LENG8: variants seen among roughly 807,000 people sequenced by gnomAD.
The protein encoded by LENG8 is leukocyte receptor cluster member 8.
In LENG8, 28 loss-of-function variants were observed where a neutral mutation model predicts 102.1. The ratio of observed to expected loss-of-function variants is 0.27; its 90% CI spans 0.20 to 0.38. The LOEUF (loss-of-function observed/expected upper bound fraction) is 0.38, where lower values mean the gene tolerates loss of function less well. LENG8 is among the 10% of genes least tolerant of loss of function. LENG8 has a pLI of 1.00. For missense variants in LENG8, 1,022 were observed against 1,113.9 expected, an observed-to-expected ratio of 0.92 and a Z score of 1.17; for synonymous variants, 531 against 456.7, an observed-to-expected ratio of 1.16 and a Z score of -2.07.
chr19:54,461,081 G>A lies in LENG8; in HGVS notation c.*153G>A. The A allele has an allele frequency of 8.6e-7, 1 of 1,160,600 alleles. No individual in the cohort carries two copies. The highest frequency in any genetic ancestry group is 1.4e-5 in the South Asian group (1 of 73,462). 71.9% of individuals were successfully genotyped at this position (1,160,600 alleles called of 1,614,324 possible). On this transcript the variant is annotated 3_prime_UTR_variant, in exon 16 of 16. Coordinates refer to ENST00000326764, the MANE Select transcript of LENG8 (RefSeq NM_052925.4). The stretch of plus-strand genomic sequence containing the variant: ...ATCCCTGCCCCCGTTTTCCCACCGG[G>A]GAGTCTGTACAGAGATTTTTCTACG...
Position 54,452,130 on chromosome 19 carries a change from G to A in LENG8, c.76G>A (p.Glu26Lys), listed in dbSNP as rs2083991735. The A allele has an allele frequency of 1.9e-6, 3 of 1,614,146 alleles. No individual in the cohort carries two copies. The highest frequency in any genetic ancestry group is 2.5e-6 in the Non-Finnish European group (3 of 1,180,008). ...QYSMVAGAGR[E>K]NGMETPMHEN... ...CAGCATGGTGGCTGGGGCAGGCCGA[G>A]AGAATGGCATGGAGACGCCGATGCA... The change falls in exon 3 of 16, where the codon GAG (glutamate) becomes AAG (lysine). Residue 26 changes from glutamate to lysine, a missense_variant. Glu to Lys is a moderately conservative substitution (Grantham distance 56). Transcript: ENST00000326764.
Position 54,458,749 on chromosome 19 carries a change from C to G in LENG8, c.2240+228C>G, listed in dbSNP as rs184780758. 2,205 of 1,551,300 alleles carry G rather than the reference C, an allele frequency of 1.4e-3. 20 individuals are homozygous for G. In the African/African-American group the frequency reaches 0.026, roughly 18 times the overall value. On this transcript the variant is annotated intron_variant, in intron 15 of 15. Coordinates refer to ENST00000326764, the MANE Select transcript of LENG8 (RefSeq NM_052925.4). ...CACTCCTCTCCCTCTCCCCACTGTT[C>G]CCAGCTCACTGCCTCTGGGGCCTCT...
rs1397440541 is a variant in LENG8 at position 54,456,460 on chromosome 19, G to C, written c.1440G>C (p.Gly480=). Residue 480 remains glycine, a synonymous_variant, in exon 10 of 16, where the codon GGG becomes GGC. Transcript: ENST00000326764. ...MDRGRGRAQR[G]KRHDLAPTKR... ...GGGGCCGAGGCAGGGCGCAGCGTGG[G>C]AAGAGGTGAGACTGTGTGAGGGCTC... is the stretch of plus-strand genomic sequence containing the variant. The C allele has an allele frequency of 6.2e-7, 1 of 1,604,190 alleles. No homozygotes were observed. The highest frequency in any genetic ancestry group is 1.7e-5 in the Admixed American group (1 of 59,446).
At chr19:54,449,476 C>G (rs1020046392) in intron 1 of LENG8, 166 bp downstream of exon 1, 2 of 152,144 alleles carry the variant, frequency 1.3e-5, no homozygotes, top group African/African-American at 4.8e-5. Context: ...CGCACCGGGC[C>G]TGGGGCCGCG....
chr19:54,451,527 C>A, intron 2 of LENG8, 145 bp downstream of exon 2: 1 of 786,960 alleles, frequency 1.3e-6, no homozygotes, highest in Non-Finnish European at 2.2e-6. Context: ...GAGGCAAACA[C>A]AGAGGGAAGC....
Position 54,461,307 on chromosome 19 carries a change from G to GA in LENG8, c.*382dup. The stretch of plus-strand genomic sequence containing the variant: ...CCCATCCCATGCCGGGGGGCCAGTG[G>GA]AAAGAAGACAGGCCGTCCAGCCCGT... On this transcript the variant is annotated 3_prime_UTR_variant, in exon 16 of 16. Coordinates refer to ENST00000326764, the MANE Select transcript of LENG8 (RefSeq NM_052925.4). 1 of 465,502 alleles carries GA rather than the reference G, an allele frequency of 2.1e-6. No homozygotes were observed. The highest frequency in any genetic ancestry group is 4.2e-6 in the Non-Finnish European group (1 of 235,910). The allele number at this position is 465,502 out of a possible 1,614,324, so 28.8% of individuals were successfully genotyped here.
In LENG8 at chr19:54,461,929, C is replaced by T; in HGVS notation, c.*1001C>T. On this transcript the variant is annotated 3_prime_UTR_variant, in exon 16 of 16. Coordinates refer to ENST00000326764, the MANE Select transcript of LENG8 (RefSeq NM_052925.4). ...GCCTCCCCTTCCCCTCCTCTCCCCT[C>T]CTTTTCCTTCCTTCCTTCCTTTCCT... 1.1e-6 allele frequency: 1 copy of T among 949,064 alleles called. No individual in the cohort carries two copies. The highest frequency in any genetic ancestry group is 2.4e-5 in the East Asian group (1 of 41,776). 58.8% of individuals were successfully genotyped at this position (949,064 alleles called of 1,614,324 possible). A position where few individuals can be genotyped will look rare whatever the true frequency, so the allele number is the denominator to read the frequency against.
In LENG8 at chr19:54,454,973, C is replaced by T. The variant is rs546859207; in HGVS notation, c.702C>T (p.Leu234=). The part of the protein sequence containing the change: ...RMKPAPGTGG[L]KFNIQKRPFA... ...CAGCCGCCCCTGGGACTGGAGGTCT[C>T]AAGTTCAACATCCAGAAGCGACCCT... The change falls in exon 7 of 16, where the codon CTC becomes CTT. Residue 234 remains leucine, a synonymous_variant. Transcript: ENST00000326764. The T allele has an allele frequency of 3.1e-6, 5 of 1,614,092 alleles. No individual in the cohort carries two copies. Among genetic ancestry groups the T allele is most frequent in the Non-Finnish European group, 4.2e-6 (5 of 1,180,030 alleles).
intron 7 of LENG8, 71 bp from the exon 8 acceptor site, chr19:54,455,291 CAG>C (rs2084166640): frequency 6.4e-7 from 1 of 1,560,254 alleles, no homozygotes; most frequent in African/African-American, 1.4e-5. Flanking sequence ...TGTGTCAGCT[CAG>C]AGTGGCGGTG....
In LENG8 at chr19:54,460,890, G is replaced by T. The variant is rs1047424258; in HGVS notation, c.2365G>T (p.Asp789Tyr). Residue 789 changes from aspartate (D) to tyrosine (Y), a missense_variant, in exon 16 of 16, where the codon GAC becomes TAC. Transcript: ENST00000326764. ...AYTGPDNSSIDCRLSLAQLSA... is the reference protein window; with the variant it reads ...AYTGPDNSSIYCRLSLAQLSA... ...CACGGGCCCGGACAACTCCAGCATC[G>T]ACTGCCGCCTCAGCCTGGCGCAGCT... is the stretch of plus-strand genomic sequence containing the variant. 1 of 1,555,444 alleles carries T rather than the reference G, an allele frequency of 6.4e-7. No individual in the cohort carries two copies. The highest frequency in any genetic ancestry group is 8.7e-7 in the Non-Finnish European group (1 of 1,151,490).
chr19:54,458,238 G>A lies in LENG8; in HGVS notation c.2032+6G>A. On this transcript the variant is annotated splice_donor_region_variant and intron_variant, in intron 14 of 15. Transcript: ENST00000326764. ...CTTCACCAAGAACTCGGGAGGTGAGGCCCAGTCCCCAGGACAGAGGCCATG... is the reference window on the plus strand; with the variant it reads ...CTTCACCAAGAACTCGGGAGGTGAGACCCAGTCCCCAGGACAGAGGCCATG... 6.2e-7 allele frequency: 1 copy of A among 1,614,166 alleles called. No homozygotes were observed. Among genetic ancestry groups the A allele is most frequent in the Non-Finnish European group, 8.5e-7 (1 of 1,180,018 alleles).
intron 15 of LENG8, chr19:54,458,814 C>T (rs1198139245): frequency 2.6e-6 from 4 of 1,551,092 alleles, no homozygotes; most frequent in Non-Finnish European, 3.5e-6. Context: ...CTGTTCTCTC[C>T]TGCCTGGACC....
intron 1 of LENG8, among the ~76,000 whole-genome samples, chr19:54,450,643 A>G (rs2083920321): frequency 7.9e-6 from 1 of 127,186 alleles, no homozygotes; most frequent in African/African-American, 3.1e-5. Context: ...TTTTTTTGAG[A>G]CAGAGTTTCG....
intron 15 of LENG8, chr19:54,460,267 CTCAG>C (rs1455364744): frequency 1.0e-5 from 13 of 1,276,808 alleles, no homozygotes; most frequent in Admixed American, 2.3e-5. Flanking sequence ...GTGCTAGATG[CTCAG>C]TCAGTAGTGT....
chr19:54,450,618 C>CTTT (rs750997555), intron 1 of LENG8, among the ~76,000 whole-genome samples: 17 of 108,830 alleles, frequency 1.6e-4, no homozygotes, highest in Admixed American at 2.1e-4. Context: ...TACTCCCTAG[C>CTTT]TTTTTTTTTT....
chr19:54,460,530 T>C (rs1215406121), intron 15 of LENG8: 15 of 1,398,940 alleles, frequency 1.1e-5, no homozygotes, highest in South Asian at 3.1e-5. Context: ...CGCTCCTCCC[T>C]GGCCCCCGCA....
At chr19:54,459,164 C>T (rs755925841) in intron 15 of LENG8, 279 of 1,236,172 alleles carry the variant, frequency 2.3e-4, no homozygotes, top group East Asian at 2.4e-4. Flanking sequence ...GCCCAGGCGA[C>T]GCTGGGCAAT....
chr19:54,455,993 G>C lies in LENG8; in HGVS notation c.1052G>C (p.Ser351Thr), dbSNP rs549068138. Reference sequence around the variant, plus strand: ...CTGACCCGGGAGCCTGTGGCTGAGAGCCCTAAGAAGAAGCGGTGGGAGGCC... The same window carrying C: ...CTGACCCGGGAGCCTGTGGCTGAGACCCCTAAGAAGAAGCGGTGGGAGGCC... The part of the protein sequence containing the change: ...PGLTREPVAE[S>T]PKKKRWEAAS... Residue 351 changes from serine (S) to threonine (T), a missense_variant, in exon 9 of 16, where the codon AGC becomes ACC. Around this residue, in one of 7 missense-constraint regions of LENG8, gnomAD observed 326 missense variants for 324.5 expected, o/e 1.00. Coordinates refer to ENST00000326764, the MANE Select transcript of LENG8 (RefSeq NM_052925.4). 1.1e-5 allele frequency: 18 copies of C among 1,612,836 alleles called. No homozygotes were observed. The highest frequency in any genetic ancestry group is 1.0e-4 in the Admixed American group (6 of 59,908).
At position 54,456,854 on chromosome 19, in the gene LENG8, C is replaced by T; in HGVS notation, c.1664C>T (p.Pro555Leu). ...WQELQIVGTC[P>L]DITKHYLRLT... is the part of the protein sequence containing the mutation. ...GAGCTGCAGATCGTGGGCACCTGCC[C>T]TGACATCACCAAGCACTACCTGCGC... Residue 555 changes from proline (P) to leucine (L), a missense_variant, in exon 11 of 16, where the codon CCT (proline) becomes CTT (leucine). Around this residue, in one of 7 missense-constraint regions of LENG8, gnomAD observed 158 missense variants for 229.0 expected, o/e 0.69. Coordinates refer to ENST00000326764, the MANE Select transcript of LENG8 (RefSeq NM_052925.4). 1 of 1,611,164 alleles carries T rather than the reference C, an allele frequency of 6.2e-7. No individual in the cohort carries two copies. Among genetic ancestry groups the T allele is most frequent in the Non-Finnish European group, 8.5e-7 (1 of 1,179,876 alleles).
Sources: allele counts gnomAD v4.1 joint callset (sites outside exome capture counted in the v4.1 genomes callset), GRCh38; gene constraint gnomAD v4.1.1; regional missense constraint gnomAD v4.1.1; transcripts MANE v1.5; gene names NCBI Gene and HGNC (gene_info 2026-07-23, HGNC 2026-07-21).